PRKCE: variants seen among roughly 807,000 people sequenced by gnomAD.
PRKCE encodes the protein protein kinase C epsilon type.
In PRKCE, 16 loss-of-function variants were observed where a neutral mutation model predicts 85.4. That is an observed-to-expected ratio of 0.19 (90% CI 0.13 to 0.28). The LOEUF (loss-of-function observed/expected upper bound fraction) is 0.28, where lower values mean the gene tolerates loss of function less well. PRKCE is among the 10% of genes least tolerant of loss of function. The pLI, the probability that PRKCE is intolerant of heterozygous loss-of-function variation, is 1.00. For synonymous variants in PRKCE, 388 were observed against 371.5 expected (o/e 1.04, Z -0.51); for missense variants, 573 against 975.2 (o/e 0.59, Z 5.49).
At chr2:45,797,283 C>T (rs1354306179) in intron 1 of PRKCE, among the ~76,000 whole-genome samples, 2 of 152,168 alleles carry the variant, frequency 1.3e-5, no homozygotes, top group African/African-American at 2.4e-5. Flanking sequence ...AAAACCCCTA[C>T]CAGAAATAAG....
At chr2:46,080,972 T>TATACACACAC in intron 10 of PRKCE, among the ~76,000 whole-genome samples, 1 of 147,692 alleles carries the variant, frequency 6.8e-6, no homozygotes, top group East Asian at 2.0e-4. Context: ...CAGTTATGCA[T>TATACACACAC]ACACACACAC....
chr2:45,698,088 A>G (rs976314665), intron 1 of PRKCE: 1 of 152,526 alleles, frequency 6.6e-6, no homozygotes, highest in Non-Finnish European at 1.5e-5. Context: ...TGCTGGCTTT[A>G]TTTTCACAAA....
chr2:45,743,494 C>T (rs1054850436), intron 1 of PRKCE, among the ~76,000 whole-genome samples: 2 of 151,754 alleles, frequency 1.3e-5, no homozygotes, highest in African/African-American at 2.4e-5. Context: ...CAGGAGCTTT[C>T]GAGAGTAGAC....
chr2:45,825,591 C>G (rs1223809179), intron 1 of PRKCE, among the ~76,000 whole-genome samples: 6 of 152,202 alleles, frequency 3.9e-5, no homozygotes, highest in Non-Finnish European at 7.3e-5. Flanking sequence ...TTAATAAAAA[C>G]TACAGTATGC....
At chr2:45,835,272 C>G (rs980369160) in intron 1 of PRKCE, among the ~76,000 whole-genome samples, 2 of 152,202 alleles carry the variant, frequency 1.3e-5, no homozygotes, top group Non-Finnish European at 2.9e-5. Context: ...TTAAAAACTG[C>G]TTCATTGAGG....
chr2:45,890,951 A>T (rs1695677899), intron 2 of PRKCE, among the ~76,000 whole-genome samples: 1 of 152,186 alleles, frequency 6.6e-6, no homozygotes, highest in Non-Finnish European at 1.5e-5. Flanking sequence ...GGCTAACAGA[A>T]AGGAACATAA....
rs142803512 is a variant in PRKCE at position 46,033,790 on chromosome 2, G to T, written c.1437+23273G>T. Among the ~76,000 whole-genome samples, 716 of 152,300 alleles carry T rather than the reference G, an allele frequency of 4.7e-3. 8 individuals are homozygous for T. Among genetic ancestry groups the T allele is most frequent in the African/African-American group, 0.017 (691 of 41,556 alleles). On this transcript the variant is annotated intron_variant, in intron 10 of 14. Transcript: ENST00000306156. ...CGGGCTGCTGGAGGAGTTCCTAGAA[G>T]AATGGAGAGTCAGGGCAACTGGGCA...
chr2:45,920,146 C>T (rs1470875007), intron 2 of PRKCE, among the ~76,000 whole-genome samples: 1 of 152,218 alleles, frequency 6.6e-6, no homozygotes, highest in Admixed American at 6.5e-5. Flanking sequence ...TTTAGGCAGT[C>T]TGAATAATCT....
At chr2:45,802,021 G>A (rs1179169671) in intron 1 of PRKCE, among the ~76,000 whole-genome samples, 3 of 151,148 alleles carry the variant, frequency 2.0e-5, no homozygotes, top group Non-Finnish European at 4.4e-5. Flanking sequence ...AGGCCAAGGC[G>A]AGAGGATCAC....
intron 1 of PRKCE, among the ~76,000 whole-genome samples, chr2:45,758,345 C>G (rs1270459358): frequency 2.0e-5 from 3 of 152,170 alleles, no homozygotes. Context: ...AATGTTATTG[C>G]TACTGTAATT....
At chr2:46,128,975 G>A (rs768118125) in intron 11 of PRKCE, among the ~76,000 whole-genome samples, 3 of 152,142 alleles carry the variant, frequency 2.0e-5, no homozygotes, top group Admixed American at 2.0e-4. Context: ...GGCTTCTCAG[G>A]ACCTCCTCCA....
intron 2 of PRKCE, among the ~76,000 whole-genome samples, chr2:45,957,917 A>ATTT (rs11403708): frequency 6.7e-5 from 9 of 135,314 alleles, no homozygotes; most frequent in African/African-American, 2.5e-4. Flanking sequence ...CTGTGTCTCT[A>ATTT]TTTTTTTTTT....
chr2:46,011,564 T>C (rs978819625), intron 10 of PRKCE, among the ~76,000 whole-genome samples: 2 of 152,166 alleles, frequency 1.3e-5, no homozygotes, highest in Non-Finnish European at 2.9e-5. Flanking sequence ...AGAGAGGATT[T>C]CTCAGAACCC....
At chr2:46,182,697 T>G (rs1680116053) in intron 14 of PRKCE, among the ~76,000 whole-genome samples, 1 of 152,138 alleles carries the variant, frequency 6.6e-6, no homozygotes, top group African/African-American at 2.4e-5. Context: ...TGTTTGTGAT[T>G]TTGATTTCAA....
At chr2:45,803,907 G>A (rs1351546539) in intron 1 of PRKCE, among the ~76,000 whole-genome samples, 2 of 152,226 alleles carry the variant, frequency 1.3e-5, no homozygotes, top group Non-Finnish European at 2.9e-5. Context: ...TCTGTACACA[G>A]GATGTTGTTT....
chr2:46,047,105 C>T (rs1708571887), intron 10 of PRKCE, among the ~76,000 whole-genome samples: 1 of 152,172 alleles, frequency 6.6e-6, no homozygotes, highest in African/African-American at 2.4e-5. Context: ...AATCCAATGG[C>T]ATCTTGTTCC....
At chr2:45,767,724 G>C (rs1685023030) in intron 1 of PRKCE, among the ~76,000 whole-genome samples, 1 of 152,172 alleles carries the variant, frequency 6.6e-6, no homozygotes, top group East Asian at 1.9e-4. Flanking sequence ...GCTTTCTCTA[G>C]CATGCATGTC....
chr2:46,049,102 G>C (rs993399706), intron 10 of PRKCE, among the ~76,000 whole-genome samples: 5 of 152,170 alleles, frequency 3.3e-5, no homozygotes, highest in Non-Finnish European at 7.3e-5. Flanking sequence ...AGTCAGAATT[G>C]AAAGGCAGGA....
intron 5 of PRKCE, among the ~76,000 whole-genome samples, chr2:45,984,281 C>A (rs181080276): frequency 1.3e-5 from 2 of 152,248 alleles, no homozygotes; most frequent in Non-Finnish European, 2.9e-5. Flanking sequence ...GCTTAAAGTC[C>A]TGAAGTCCTG....
Sources: allele counts gnomAD v4.1 joint callset (sites outside exome capture counted in the v4.1 genomes callset), GRCh38; gene constraint gnomAD v4.1.1; transcripts MANE v1.5; gene names NCBI Gene and HGNC (gene_info 2026-07-23, HGNC 2026-07-21).